TTN: variants seen among roughly 807,000 people sequenced by gnomAD.
The protein encoded by TTN is titin, also known as connectin.
In TTN, 1,525 loss-of-function variants were observed where a neutral mutation model predicts 3,223.0. The observed-to-expected ratio is 0.47, with a 90% confidence interval of 0.45 to 0.49. The LOEUF (loss-of-function observed/expected upper bound fraction) is 0.49, where lower values mean the gene tolerates loss of function less well. Ranked by LOEUF, TTN falls within the 20% of genes least tolerant of loss-of-function variation. The probability of loss-of-function intolerance (pLI) is 0.00; values close to 1 mark genes in which losing one functional copy is unlikely to be tolerated. For synonymous variants in TTN, 14,094 were observed against 15,161.0 expected, an observed-to-expected ratio of 0.93 and a Z score of 5.17; for missense variants, 40,786 against 43,424.0, an observed-to-expected ratio of 0.94 and a Z score of 5.40.
intron 283 of TTN, 33 bp downstream of exon 283, chr2:178,602,249 A>C (rs574593918): frequency 1.2e-6 from 2 of 1,601,164 alleles, no homozygotes; most frequent in Admixed American, 3.5e-5. Context: ...TAAGATCAAA[A>C]GAGGAATACA....
chr2:178,537,907 G>A lies in TTN; in HGVS notation c.99300C>T (p.Ala33100=). 1 of 1,607,900 alleles carries A rather than the reference G, an allele frequency of 6.2e-7. No homozygotes were observed. The highest frequency in any genetic ancestry group is 1.1e-5 in the South Asian group (1 of 90,484). ...SIKTKLTSGE[A]PGIRKEMKDV... ...CCTTCATTTCTTTGCGTATTCCTGG[G>A]GCCTCTCCAGCTGAACAATATGAAA... Residue 33100 remains alanine (A), a synonymous_variant, in exon 355 of 363, where the codon GCC becomes GCT. Coordinates refer to ENST00000589042, the MANE Select transcript of TTN (RefSeq NM_001267550.2).
chr2:178,602,638 G>A (rs2053746274), intron 282 of TTN, 48 bp from the exon 283 acceptor site: 1 of 1,418,358 alleles, frequency 7.1e-7, no homozygotes, highest in South Asian at 1.6e-5. Context: ...TGAAGCTGAT[G>A]AAGTGCTGGA....
Position 178,573,194 on chromosome 2 carries a change from G to A in TTN, c.72938C>T (p.Pro24313Leu). ...AGISAPSPTSPFYKACDTVFK... is the reference protein window; with the variant it reads ...AGISAPSPTSLFYKACDTVFK... ...CACAGTGTCACAAGCCTTGTAAAAT[G>A]GACTGGTAGGACTTGGTGCACTAAT... Residue 24313 changes from proline to leucine, a missense_variant, in exon 326 of 363, where the codon CCA becomes CTA. Pro to Leu is a moderately conservative substitution (Grantham distance 98). Transcript: ENST00000589042. 5.6e-6 allele frequency: 9 copies of A among 1,608,162 alleles called. No homozygotes were observed. The highest frequency in any genetic ancestry group is 7.7e-6 in the Non-Finnish European group (9 of 1,176,438).
In TTN at chr2:178,561,728, T is replaced by C; in HGVS notation, c.84404A>G (p.Tyr28135Cys). 6.2e-7 allele frequency: 1 copy of C among 1,612,298 alleles called. No individual in the cohort carries two copies. The change falls in exon 326 of 363, where the codon TAT becomes TGT. Residue 28135 changes from tyrosine (Y) to cysteine (C), a missense_variant. Transcript: ENST00000589042. ...AGATTCACTGTAGGAGCTCTTTCCA[T>C]AGCGGTTTTCTGCACAAACACGGAA... The part of the protein sequence containing the change: ...YQFRVCAENR[Y>C]GKSSYSESSA...
Position 178,731,977 on chromosome 2 carries a change from G to A in TTN, c.16904-6C>T. ...CTTGGTAAAATAAGGTGACTCTACA[G>A]TAAAAAAGGAATGATTTGCATTAAG... On this transcript the variant is annotated splice_region_variant and splice_polypyrimidine_tract_variant and intron_variant, in intron 57 of 362. Coordinates refer to ENST00000589042, the MANE Select transcript of TTN (RefSeq NM_001267550.2). 1 of 1,599,542 alleles carries A rather than the reference G, an allele frequency of 6.3e-7. No homozygotes were observed. Among genetic ancestry groups the A allele is most frequent in the Non-Finnish European group, 8.5e-7 (1 of 1,170,572 alleles).
intron 330 of TTN, 113 bp downstream of exon 330, chr2:178,556,735 A>T: frequency 7.8e-7 from 1 of 1,283,828 alleles, no homozygotes; most frequent in South Asian, 1.4e-5. Flanking sequence ...TTCTTCCAAA[A>T]ACCCCATTAA....
rs1060500440 is a variant in TTN at position 178,777,507 on chromosome 2, C to T, written c.4558G>A (p.Ala1520Thr). The change falls in exon 26 of 363, where the codon GCC (alanine) becomes ACC (threonine). Residue 1520 changes from alanine to threonine, a missense_variant. Physicochemically the swap from Ala to Thr is moderately conservative, Grantham distance 58. Transcript: ENST00000589042. ...DGTQSLIIVP[A>T]TPSDSGEWTV... ...CATTCCCCAGAATCACTGGGTGTGG[C>T]AGGGACAATAATTAGTGATTGAGTA... 9.9e-6 allele frequency: 16 copies of T among 1,613,708 alleles called. No homozygotes were observed. The highest frequency in any genetic ancestry group is 1.7e-5 in the Admixed American group (1 of 59,980).
chr2:178,734,220 C>T (rs966496637), intron 52 of TTN, 108 bp downstream of exon 52: 8 of 1,366,502 alleles, frequency 5.9e-6, no homozygotes, highest in Non-Finnish European at 7.7e-6. Flanking sequence ...CAAGACAAAA[C>T]AAATTTAAAG....
chr2:178,584,625 A>C (rs774521409), intron 310 of TTN, 44 bp downstream of exon 310: 2 of 1,610,392 alleles, frequency 1.2e-6, no homozygotes, highest in Non-Finnish European at 1.7e-6. Flanking sequence ...TTAAGTAACA[A>C]ACTAGAAAGA....
intron 13 of TTN, among the ~76,000 whole-genome samples, 150 bp downstream of exon 13, chr2:178,789,206 TTTAA>T (rs1414234449): frequency 7.9e-5 from 12 of 152,156 alleles, no homozygotes; most frequent in African/African-American, 1.2e-4. Flanking sequence ...TTTCCAATTA[TTTAA>T]TTGTCTAAAA....
chr2:178,527,353 A>T lies in TTN; in HGVS notation c.107681-46T>A, dbSNP rs16866373. On this transcript the variant is annotated intron_variant, in intron 362 of 362. Coordinates refer to ENST00000589042, the MANE Select transcript of TTN (RefSeq NM_001267550.2). Reference sequence around the variant, plus strand: ...AAAAAGGTCTTAGAATCACTGAAAAAAATAAAGATTTGCTTTCTACTGAAT... The same window carrying T: ...AAAAAGGTCTTAGAATCACTGAAAATAATAAAGATTTGCTTTCTACTGAAT... 0.15 allele frequency: 238,314 copies of T among 1,561,934 alleles called. 21,212 individuals are homozygous for T. Among genetic ancestry groups the T allele is most frequent in the East Asian group, 0.44 (19,341 of 44,388 alleles).
intron 308 of TTN, among the ~76,000 whole-genome samples, chr2:178,585,685 A>G (rs898612758): frequency 6.6e-6 from 1 of 152,020 alleles, no homozygotes; most frequent in Admixed American, 6.6e-5. Context: ...GAGTGAGAAC[A>G]TGTGGTGTTT....
At chr2:178,665,498 G>A (rs771357758) in intron 164 of TTN, 38 bp from the exon 165 acceptor site, 1 of 1,589,190 alleles carries the variant, frequency 6.3e-7, no homozygotes, top group Non-Finnish European at 8.6e-7. Context: ...AGGTTAAAAG[G>A]ATCAGTGGAG....
chr2:178,531,264 T>TTTTTCTTCCAGTGAC lies in TTN; in HGVS notation c.105336_105350dup (p.Leu35114_Ser35118dup), dbSNP rs1558996383. Reference sequence around the variant, plus strand: ...TCGTCTTGATCTTTCTGGTTGTGGATTTTTCTTCCAGTGACTTTTCTTCTA... The same window carrying TTTTTCTTCCAGTGAC: ...TCGTCTTGATCTTTCTGGTTGTGGATTTTTCTTCCAGTGACTTTTCTTCCAGTGACTTTTCTTCTA... On this transcript the variant is annotated inframe_insertion, in exon 358 of 363. Transcript: ENST00000589042. The TTTTTCTTCCAGTGAC allele has an allele frequency of 6.8e-6, 11 of 1,613,972 alleles. No individual in the cohort carries two copies. Among genetic ancestry groups the TTTTTCTTCCAGTGAC allele is most frequent in the Non-Finnish European group, 8.5e-6 (10 of 1,179,858 alleles).
intron 102 of TTN, 113 bp downstream of exon 102, chr2:178,706,341 A>G: frequency 8.7e-7 from 1 of 1,147,512 alleles, no homozygotes. Context: ...GTTTATTTGT[A>G]TTTTTAAATT....
intron 88 of TTN, among the ~76,000 whole-genome samples, chr2:178,716,110 G>A (rs562535868): frequency 6.6e-6 from 1 of 152,256 alleles, no homozygotes; most frequent in East Asian, 1.9e-4. Context: ...GCCCTCTGAG[G>A]TCCACGGGGA....
In TTN at chr2:178,794,916, C is replaced by T. The variant is rs557390996; in HGVS notation, c.1245+6G>A. 1.9e-6 allele frequency: 3 copies of T among 1,600,852 alleles called. No individual in the cohort carries two copies. In the Admixed American group the frequency reaches 5.0e-5, roughly 27 times the overall value. ...ATAAGGAAAAACAAAACCATTCTGA[C>T]AGTACCTCTTTAGCACCAGTGGCAA... On this transcript the variant is annotated splice_donor_region_variant and intron_variant, in intron 7 of 362. Transcript: ENST00000589042.
chr2:178,678,429 C>A lies in TTN; in HGVS notation c.33895G>T (p.Ala11299Ser). The A allele has an allele frequency of 6.3e-7, 1 of 1,590,928 alleles. No homozygotes were observed. The highest frequency in any genetic ancestry group is 1.8e-5 in the Admixed American group (1 of 56,914). ...VPVPAPKKVE[A>S]PPAKVPEVPK... ...AATTATGTACCTTTTGCAGGTGGAG[C>A]CTCCACTTTCTTAGGAGCAGGAACT... The change falls in exon 144 of 363, where the codon GCT becomes TCT. Residue 11299 changes from alanine (A) to serine (S), a missense_variant. Physicochemically the swap from Ala to Ser is moderately conservative, Grantham distance 99. Transcript: ENST00000589042.
intron 69 of TTN, chr2:178,726,262 C>T (rs995319723): frequency 4.5e-6 from 2 of 445,926 alleles, no homozygotes; most frequent in Admixed American, 4.0e-5. Flanking sequence ...TCCTAGATGT[C>T]GTTACTGAAC....
Sources: gnomAD v4.1 joint callset for allele counts (sites outside exome capture counted in the v4.1 genomes callset) on GRCh38, gnomAD v4.1.1 for gene constraint, MANE v1.5 for transcripts, NCBI Gene and HGNC (gene_info 2026-07-23, HGNC 2026-07-21) for gene names.